ZNF736: variants seen among roughly 807,000 people sequenced by gnomAD.
ZNF736 encodes the protein KRAB-containing zinc-finger repressor protein.
Under a neutral mutation model 11.7 loss-of-function variants are expected in ZNF736, and 6 were observed. The ratio of observed to expected loss-of-function variants is 0.51; its 90% CI spans 0.28 to 1.01. The LOEUF is 1.01. Among genes scored for constraint, ZNF736 ranks in the 50% least tolerant of loss-of-function variants. The pLI is 0.09. For missense variants in ZNF736, 444 were observed against 496.0 expected (o/e 0.90, Z 1.00); for synonymous variants, 139 against 164.7 (o/e 0.84, Z 1.19).
intron 1 of ZNF736, among the ~76,000 whole-genome samples, chr7:64,327,714 T>C (rs1376894183): frequency 6.6e-6 from 1 of 152,192 alleles, no homozygotes; most frequent in Non-Finnish European, 1.5e-5. Context: ...ATTACAGGTT[T>C]TTTATTTGAG....
intron 3 of ZNF736, among the ~76,000 whole-genome samples, chr7:64,343,466 A>G (rs1413442799): frequency 2.6e-5 from 4 of 152,238 alleles, no homozygotes; most frequent in African/African-American, 7.2e-5. Flanking sequence ...GTACTGTGCT[A>G]TCTATCTGAG....
In ZNF736 at chr7:64,349,358, G is replaced by A; in HGVS notation, c.*211G>A. 1.5e-5 allele frequency: 6 copies of A among 398,256 alleles called. No homozygotes were observed. The highest frequency in any genetic ancestry group is 8.3e-5 in the African/African-American group (4 of 48,424). 24.7% of individuals were successfully genotyped at this position (398,256 alleles called of 1,614,324 possible). A position where few individuals can be genotyped will look rare whatever the true frequency, so the allele number is the denominator to read the frequency against. The stretch of plus-strand genomic sequence containing the variant: ...TAATGCCCTTTTTTTTTAAATCTAT[G>A]TTAATTTCAAGTCTGTTTTGTCAGA... On this transcript the variant is annotated 3_prime_UTR_variant, in exon 4 of 4. Coordinates refer to ENST00000423484, the MANE Select transcript of ZNF736 (RefSeq NM_001170905.3).
At chr7:64,320,703 T>G (rs985234458) in intron 1 of ZNF736, among the ~76,000 whole-genome samples, 47 of 151,086 alleles carry the variant, frequency 3.1e-4, no homozygotes, top group African/African-American at 1.1e-3. Flanking sequence ...ATTTAAAAGG[T>G]TTTTTTTTGA....
intron 1 of ZNF736, among the ~76,000 whole-genome samples, chr7:64,333,966 A>G (rs1031106123): frequency 6.6e-6 from 1 of 152,198 alleles, no homozygotes; most frequent in Non-Finnish European, 1.5e-5. Context: ...ATGTAACAGA[A>G]CAGAGGCCTC....
At chr7:64,319,904 A>G (rs1048279907) in intron 1 of ZNF736, among the ~76,000 whole-genome samples, 3 of 152,106 alleles carry the variant, frequency 2.0e-5, no homozygotes, top group Non-Finnish European at 2.9e-5. Flanking sequence ...CTGGAGGCCT[A>G]GGGTAATCAC....
chr7:64,355,044 T>C lies in ZNF736; in HGVS notation c.*5897T>C, dbSNP rs1425522496. 1 of 152,256 alleles carries C rather than the reference T, an allele frequency of 6.6e-6. No homozygotes were observed. Among genetic ancestry groups the C allele is most frequent in the Non-Finnish European group, 1.5e-5 (1 of 68,044 alleles). The allele number at this position is 152,256 out of a possible 1,614,324, so 9.4% of individuals were successfully genotyped here. A position where few individuals can be genotyped will look rare whatever the true frequency, so the allele number is the denominator to read the frequency against. ...AAAAAAATGACATTAATTCTGCATA[T>C]GAAGAGAGCATAATTGTACCCATGC... On this transcript the variant is annotated 3_prime_UTR_variant, in exon 4 of 4. Transcript: ENST00000423484.
chr7:64,327,550 A>AT (rs2115896743), intron 1 of ZNF736, among the ~76,000 whole-genome samples: 1 of 152,258 alleles, frequency 6.6e-6, no homozygotes, highest in Admixed American at 6.5e-5. Flanking sequence ...TTATTAATAA[A>AT]TAAAGACTTA....
At chr7:64,315,595 C>T (rs1788905607) in intron 1 of ZNF736, among the ~76,000 whole-genome samples, 1 of 152,098 alleles carries the variant, frequency 6.6e-6, no homozygotes, top group African/African-American at 2.4e-5. Flanking sequence ...AGTTAGGTTT[C>T]CTTAGGCAGA....
In ZNF736 at chr7:64,355,242, T is replaced by C; in HGVS notation, c.*6095T>C. On this transcript the variant is annotated 3_prime_UTR_variant, in exon 4 of 4. Coordinates refer to ENST00000423484, the MANE Select transcript of ZNF736 (RefSeq NM_001170905.3). ...GAATTGCTGACACAGGTTAAGAGTATGCACCACAGGTATCGAAACCTAAAA... is the reference window on the plus strand; with the variant it reads ...GAATTGCTGACACAGGTTAAGAGTACGCACCACAGGTATCGAAACCTAAAA... The C allele has an allele frequency of 5.7e-6, 1 of 175,400 alleles. No individual in the cohort carries two copies. Among genetic ancestry groups the C allele is most frequent in the Non-Finnish European group, 1.4e-5 (1 of 72,916 alleles). 10.9% of individuals were successfully genotyped at this position (175,400 alleles called of 1,614,324 possible). A position where few individuals can be genotyped will look rare whatever the true frequency, so the allele number is the denominator to read the frequency against.
rs577960991 is a variant in ZNF736 at position 64,321,461 on chromosome 7, C to T, written c.3+7308C>T. On this transcript the variant is annotated intron_variant, in intron 1 of 3. Transcript: ENST00000423484. Reference sequence around the variant, plus strand: ...TTTTAGAACAAAAGAAGTAAAACCACCAGGGCTAGACTGCCAGTATTATGA... The same window carrying T: ...TTTTAGAACAAAAGAAGTAAAACCATCAGGGCTAGACTGCCAGTATTATGA... 3.3e-5 allele frequency among the ~76,000 whole-genome samples: 5 copies of T among 152,250 alleles called. No homozygotes were observed. The South Asian group carries it at 8.3e-4, about 25-fold the overall frequency.
chr7:64,336,954 G>A lies in ZNF736; in HGVS notation c.198G>A (p.Lys66=). Residue 66 remains lysine (K), a synonymous_variant, in exon 3 of 4, where the codon AAG becomes AAA. Transcript: ENST00000423484. ...LEQRKEPWKV[K]RQEAVAKHPA... ...AAAGAAAAGAGCCTTGGAAAGTGAA[G>A]AGACAGGAGGCAGTAGCCAAACACC... 1 of 1,604,486 alleles carries A rather than the reference G, an allele frequency of 6.2e-7. No homozygotes were observed. The highest frequency in any genetic ancestry group is 8.5e-7 in the Non-Finnish European group (1 of 1,175,230).
At chr7:64,329,584 A>G (rs904815733) in intron 1 of ZNF736, among the ~76,000 whole-genome samples, 34 of 152,060 alleles carry the variant, frequency 2.2e-4, no homozygotes, top group African/African-American at 8.0e-4. Flanking sequence ...CTCTTTTTCT[A>G]TTTTTTTACA....
chr7:64,332,867 C>T (rs567833999), intron 1 of ZNF736, among the ~76,000 whole-genome samples: 30 of 152,206 alleles, frequency 2.0e-4, no homozygotes, highest in South Asian at 1.0e-3. Flanking sequence ...TCTTTTTGCC[C>T]GACCCCGCAG....
chr7:64,328,248 G>GTT (rs1466631977), intron 1 of ZNF736, among the ~76,000 whole-genome samples: 55 of 26,874 alleles, frequency 2.0e-3, no homozygotes, highest in Middle Eastern at 0.022. Context: ...TTTGTCAGTT[G>GTT]TTTTTGTTTT....
At chr7:64,337,690 A>G (rs1183036573) in intron 3 of ZNF736, among the ~76,000 whole-genome samples, 1 of 149,406 alleles carries the variant, frequency 6.7e-6, no homozygotes, top group South Asian at 2.1e-4. Flanking sequence ...TAAATATACT[A>G]TGTCATTGGG....
At position 64,314,008 on chromosome 7, in the gene ZNF736, C is replaced by G. The variant is rs893183617; in HGVS notation, c.-143C>G. On this transcript the variant is annotated 5_prime_UTR_variant, in exon 1 of 4. Coordinates refer to ENST00000423484, the MANE Select transcript of ZNF736 (RefSeq NM_001170905.3). ...GCCTTTGTCTCCTAGCTTCCGGGCT[C>G]TGATCCTAGTTCGCGTCTCCACTGT... The G allele has an allele frequency of 3.1e-5, 36 of 1,174,492 alleles. No homozygotes were observed. The African/African-American group carries it at 4.0e-4, about 13-fold the overall frequency. The allele number at this position is 1,174,492 out of a possible 1,614,324, so 72.8% of individuals were successfully genotyped here.
intron 1 of ZNF736, among the ~76,000 whole-genome samples, chr7:64,326,563 T>C (rs1789085288): frequency 6.6e-6 from 1 of 152,194 alleles, no homozygotes; most frequent in South Asian, 2.1e-4. Flanking sequence ...TATATTCATT[T>C]ATTTCTGCTA....
At chr7:64,324,092 T>C (rs1052885556) in intron 1 of ZNF736, among the ~76,000 whole-genome samples, 3 of 152,188 alleles carry the variant, frequency 2.0e-5, no homozygotes, top group Non-Finnish European at 2.9e-5. Context: ...CTACCACATA[T>C]CCATTTTTGC....
chr7:64,353,055 C>T lies in ZNF736; in HGVS notation c.*3908C>T, dbSNP rs1000100291. 1 of 152,356 alleles carries T rather than the reference C, an allele frequency of 6.6e-6. No homozygotes were observed. The highest frequency in any genetic ancestry group is 2.4e-5 in the African/African-American group (1 of 41,456). The allele number at this position is 152,356 out of a possible 1,614,324, so 9.4% of individuals were successfully genotyped here. A position where few individuals can be genotyped will look rare whatever the true frequency, so the allele number is the denominator to read the frequency against. On this transcript the variant is annotated 3_prime_UTR_variant, in exon 4 of 4. Coordinates refer to ENST00000423484, the MANE Select transcript of ZNF736 (RefSeq NM_001170905.3). Reference sequence around the variant, plus strand: ...AAGCCTGGAAAGCCAGTATCTAAGGCTCTTGAATCTGCGCAGGCCTAAGTG... The same window carrying T: ...AAGCCTGGAAAGCCAGTATCTAAGGTTCTTGAATCTGCGCAGGCCTAAGTG...
Sources: gnomAD v4.1 joint callset for allele counts (sites outside exome capture counted in the v4.1 genomes callset) on GRCh38, gnomAD v4.1.1 for gene constraint, MANE v1.5 for transcripts, NCBI Gene and HGNC (gene_info 2026-07-23, HGNC 2026-07-21) for gene names.